The following BMPER variants were observed in gnomAD, a reference collection of about 807,000 sequenced individuals.
BMPER encodes the protein BMP binding endothelial regulator.
BMPER carries 45 observed loss-of-function variants against 87.3 expected under a neutral mutation model. The ratio of observed to expected loss-of-function variants is 0.52; its 90% CI spans 0.41 to 0.66. BMPER has a LOEUF of 0.66. Ranked by LOEUF, BMPER falls within the 30% of genes least tolerant of loss-of-function variation. The pLI is 0.00. For synonymous variants in BMPER, 326 were observed against 316.2 expected (o/e 1.03, Z -0.33); for missense variants, 784 against 867.5 (o/e 0.90, Z 1.21).
Position 34,101,220 on chromosome 7 carries a change from G to A in BMPER, c.1745+15128G>A, listed in dbSNP as rs1030924154. On this transcript the variant is annotated intron_variant, in intron 13 of 14. Transcript: ENST00000649409. ...TATATTTTAATAGAAGCATCACGACGTTTTTTTCCCATGCTGGAGAAAGGA... is the reference window on the plus strand; with the variant it reads ...TATATTTTAATAGAAGCATCACGACATTTTTTTCCCATGCTGGAGAAAGGA... Among the ~76,000 whole-genome samples, 9 of 152,102 alleles carry A rather than the reference G, an allele frequency of 5.9e-5. No individual in the cohort carries two copies. The South Asian group carries it at 8.3e-4, about 14-fold the overall frequency.
rs574122075 is a variant in BMPER at position 34,065,709 on chromosome 7, G to GATATCT, written c.1078+3662_1078+3663insATATCT. Among the ~76,000 whole-genome samples the GATATCT allele has an allele frequency of 4.6e-5, 7 of 152,322 alleles. No homozygotes were observed. In the South Asian group the frequency reaches 1.2e-3, roughly 27 times the overall value. On this transcript the variant is annotated intron_variant, in intron 11 of 14. Transcript: ENST00000649409. Reference sequence around the variant, plus strand: ...ATTATATCTTGAATGATTAAAAAAAGTTGCTATCTTTGCTTTTGTTGCTAG... The same window carrying GATATCT: ...ATTATATCTTGAATGATTAAAAAAAGATATCTTTGCTATCTTTGCTTTTGTTGCTAG...
At chr7:34,005,402 T>C (rs1478884527) in intron 6 of BMPER, among the ~76,000 whole-genome samples, 3 of 152,116 alleles carry the variant, frequency 2.0e-5, no homozygotes, top group Admixed American at 6.6e-5. Context: ...GATTTTTGCC[T>C]TCTTTTAACT....
chr7:34,046,797 G>A (rs1370238656), intron 7 of BMPER, among the ~76,000 whole-genome samples: 2 of 152,138 alleles, frequency 1.3e-5, no homozygotes, highest in Non-Finnish European at 2.9e-5. Context: ...TCAAAACCAT[G>A]CAGGAAGAAA....
chr7:33,973,401 C>T (rs561673857), intron 5 of BMPER, among the ~76,000 whole-genome samples: 4 of 152,352 alleles, frequency 2.6e-5, no homozygotes, highest in South Asian at 4.1e-4. Context: ...TGATTGCTAA[C>T]TCTGCAAGTC....
At chr7:34,024,384 A>ACTATATAT (rs1787293391) in intron 6 of BMPER, among the ~76,000 whole-genome samples, 2 of 23,430 alleles carry the variant, frequency 8.5e-5, no homozygotes, top group African/African-American at 4.2e-4. Context: ...AAAAAAAAAC[A>ACTATATAT]ATATATATAT....
intron 13 of BMPER, among the ~76,000 whole-genome samples, chr7:34,141,587 G>C (rs953497705): frequency 1.6e-4 from 20 of 125,120 alleles, no homozygotes; most frequent in Non-Finnish European, 3.0e-4. Context: ...TCCAGCCTGG[G>C]CAACAAGAGT....
chr7:34,144,214 A>G (rs1362884603), intron 14 of BMPER, among the ~76,000 whole-genome samples: 1 of 151,944 alleles, frequency 6.6e-6, no homozygotes, highest in Admixed American at 6.6e-5. Context: ...GGCATAGGGT[A>G]GGAGAAAAAT....
intron 3 of BMPER, among the ~76,000 whole-genome samples, chr7:33,947,886 C>T (rs368433133): frequency 4.4e-4 from 67 of 151,714 alleles, no homozygotes; most frequent in East Asian, 1.4e-3. Context: ...GTGGTTGTTT[C>T]GGAGGGAGCC....
chr7:33,906,929 A>C, intron 2 of BMPER, 26 bp downstream of exon 2: 1 of 1,555,072 alleles, frequency 6.4e-7, no homozygotes, highest in South Asian at 1.1e-5. Flanking sequence ...AGGTAATATG[A>C]ACTCAACTGC....
intron 6 of BMPER, among the ~76,000 whole-genome samples, chr7:33,997,288 C>T (rs1287426052): frequency 6.6e-6 from 1 of 152,182 alleles, no homozygotes; most frequent in Non-Finnish European, 1.5e-5. Flanking sequence ...TCTTCCAAGA[C>T]TCTCCTTCTG....
At chr7:34,054,487 G>T (rs1159805408) in intron 8 of BMPER, among the ~76,000 whole-genome samples, 1 of 152,184 alleles carries the variant, frequency 6.6e-6, no homozygotes, top group African/African-American at 2.4e-5. Context: ...GTAAACCTGA[G>T]AAACAATAGG....
At chr7:34,027,140 A>G (rs1490390136) in intron 6 of BMPER, among the ~76,000 whole-genome samples, 2 of 152,164 alleles carry the variant, frequency 1.3e-5, no homozygotes, top group Non-Finnish European at 2.9e-5. Context: ...GTAAAAGTCA[A>G]AGCATTTATA....
intron 6 of BMPER, among the ~76,000 whole-genome samples, chr7:34,015,231 T>A (rs1160424067): frequency 1.3e-5 from 2 of 151,948 alleles, no homozygotes; most frequent in African/African-American, 4.8e-5. Context: ...CATCCCTCTT[T>A]TCCTGTGTGA....
At chr7:33,913,574 C>T (rs942059857) in intron 2 of BMPER, among the ~76,000 whole-genome samples, 1 of 152,094 alleles carries the variant, frequency 6.6e-6, no homozygotes, top group Non-Finnish European at 1.5e-5. Flanking sequence ...CAATGTTGCC[C>T]GGTCTTTTGA....
chr7:33,992,453 T>G (rs1318823243), intron 6 of BMPER, among the ~76,000 whole-genome samples: 1 of 142,428 alleles, frequency 7.0e-6, no homozygotes, highest in African/African-American at 2.6e-5. Context: ...TGCCTTTTTT[T>G]GTTTTCCATT....
intron 13 of BMPER, among the ~76,000 whole-genome samples, chr7:34,109,301 G>A (rs959314041): frequency 3.3e-5 from 5 of 152,318 alleles, no homozygotes; most frequent in South Asian, 4.1e-4. Flanking sequence ...TTACTCAGGG[G>A]AGGGTCAGCT....
intron 2 of BMPER, among the ~76,000 whole-genome samples, chr7:33,935,958 G>C (rs1456913641): frequency 2.6e-5 from 4 of 152,124 alleles, no homozygotes; most frequent in Non-Finnish European, 4.4e-5. Context: ...GGCTGATACG[G>C]AAACAGCTGT....
intron 2 of BMPER, among the ~76,000 whole-genome samples, chr7:33,919,173 A>G (rs560957771): frequency 6.3e-4 from 96 of 152,358 alleles, no homozygotes; most frequent in Admixed American, 2.1e-3. Context: ...GTCATGTTAC[A>G]GAAATCTGGA....
chr7:33,931,380 T>C (rs1162922605), intron 2 of BMPER, among the ~76,000 whole-genome samples: 1 of 152,238 alleles, frequency 6.6e-6, no homozygotes. Flanking sequence ...TTGAGGGATC[T>C]GAGACAGCCT....
Sources: allele counts gnomAD v4.1 joint callset (sites outside exome capture counted in the v4.1 genomes callset), GRCh38; gene constraint gnomAD v4.1.1; transcripts MANE v1.5; gene names NCBI Gene and HGNC (gene_info 2026-07-23, HGNC 2026-07-21).